EDC4: variants seen among roughly 807,000 people sequenced by gnomAD.
The protein encoded by EDC4 is enhancer of mRNA decapping 4.
In EDC4, 64 loss-of-function variants were observed where a neutral mutation model predicts 155.8. That is an observed-to-expected ratio of 0.41 (90% confidence interval 0.34 to 0.51). The LOEUF is 0.51. Among genes scored for constraint, EDC4 ranks in the 20% least tolerant of loss-of-function variants. EDC4 has a pLI of 0.19. For synonymous variants in EDC4, 684 were observed against 716.8 expected (o/e 0.95, Z 0.73); for missense variants, 1,303 against 1,812.5 (o/e 0.72, Z 5.10).
At position 67,882,883 on chromosome 16, in the gene EDC4, T is replaced by C; in HGVS notation, c.3629+18T>C. ...GTGGGCAGGTGTGTGGGCAGAGTAC[T>C]GGGCAAGGTGGTGGGCTTGAGAAAG... On this transcript the variant is annotated intron_variant, in intron 26 of 28. Coordinates refer to ENST00000358933, the MANE Select transcript of EDC4 (RefSeq NM_014329.5). The surrounding 1 kb of genome is among the most constrained non-coding windows in gnomAD (Gnocchi z 7.2). The C allele has an allele frequency of 1.2e-6, 2 of 1,614,102 alleles. No individual in the cohort carries two copies. Among genetic ancestry groups the C allele is most frequent in the South Asian group, 1.1e-5 (1 of 91,088 alleles).
At chr16:67,875,734 C>A in intron 1 of EDC4, 1 of 1,373,074 alleles carries the variant, frequency 7.3e-7, no homozygotes, top group Non-Finnish European at 9.4e-7. Context: ...TACCCCTCCC[C>A]CAGGTAGAAG....
chr16:67,878,081 T>A lies in EDC4; in HGVS notation c.895-85T>A, dbSNP rs1567389710. On this transcript the variant is annotated intron_variant, in intron 7 of 28. Coordinates refer to ENST00000358933, the MANE Select transcript of EDC4 (RefSeq NM_014329.5). This position sits in a 1 kb window ranked among gnomAD's most constrained non-coding sequence, Gnocchi z 5.2. ...TCACACAAGCATGCCAGTCCCACCGTGAGTCAGCCCAGCTCATTGCCATCC... is the reference window on the plus strand; with the variant it reads ...TCACACAAGCATGCCAGTCCCACCGAGAGTCAGCCCAGCTCATTGCCATCC... The A allele has an allele frequency of 6.3e-7, 1 of 1,581,266 alleles. No homozygotes were observed. The highest frequency in any genetic ancestry group is 2.3e-5 in the East Asian group (1 of 43,686).
Position 67,883,187 on chromosome 16 carries a change from G to C in EDC4, c.3849+10G>C. 1 of 1,557,580 alleles carries C rather than the reference G, an allele frequency of 6.4e-7. No individual in the cohort carries two copies. Among genetic ancestry groups the C allele is most frequent in the East Asian group, 2.4e-5 (1 of 42,150 alleles). On this transcript the variant is annotated intron_variant, in intron 27 of 28. Transcript: ENST00000358933. The surrounding 1 kb of genome is among the most constrained non-coding windows in gnomAD (Gnocchi z 5.3). ...TCAGGCCTTCCAGCAGGTACGATAG[G>C]CATTAGGCCCTGCTAAGGGTCACGT...
At position 67,876,763 on chromosome 16, in the gene EDC4, T is replaced by C; in HGVS notation, c.352-110T>C. The stretch of plus-strand genomic sequence containing the variant: ...TCTGTGGGAGTCTGGCTCCAGGAGG[T>C]AACAGTGGGTAGCTGGACTTGCATC... On this transcript the variant is annotated intron_variant, in intron 3 of 28. Coordinates refer to ENST00000358933, the MANE Select transcript of EDC4 (RefSeq NM_014329.5). This position sits in a 1 kb window ranked among gnomAD's most constrained non-coding sequence, Gnocchi z 5.8. 1 of 1,563,014 alleles carries C rather than the reference T, an allele frequency of 6.4e-7. No homozygotes were observed. Among genetic ancestry groups the C allele is most frequent in the African/African-American group, 1.4e-5 (1 of 73,854 alleles).
rs1313420044 is a variant in EDC4 at position 67,883,886 on chromosome 16, C to T, written c.4014-70C>T. On this transcript the variant is annotated intron_variant, in intron 28 of 28. Coordinates refer to ENST00000358933, the MANE Select transcript of EDC4 (RefSeq NM_014329.5). The surrounding 1 kb of genome is among the most constrained non-coding windows in gnomAD (Gnocchi z 5.3). ...CACCCAGAGGGTTCCCTCTGGGCCTCGGTGCCACCAGGGGGCGCTCCCGTC... is the reference window on the plus strand; with the variant it reads ...CACCCAGAGGGTTCCCTCTGGGCCTTGGTGCCACCAGGGGGCGCTCCCGTC... 1.0e-5 allele frequency: 16 copies of T among 1,536,898 alleles called. No individual in the cohort carries two copies. The highest frequency in any genetic ancestry group is 3.8e-5 in the Admixed American group (2 of 52,418).
In EDC4 at chr16:67,881,412, T is replaced by C. The variant is rs771102392; in HGVS notation, c.2784T>C (p.Asp928=). 5 of 1,613,970 alleles carry C rather than the reference T, an allele frequency of 3.1e-6. 1 individual carries two copies. The South Asian group carries it at 4.4e-5, about 14-fold the overall frequency. Residue 928 remains aspartate, a synonymous_variant, in exon 20 of 29, where the codon GAT becomes GAC. Coordinates refer to ENST00000358933, the MANE Select transcript of EDC4 (RefSeq NM_014329.5). This position sits in a 1 kb window ranked among gnomAD's most constrained non-coding sequence, Gnocchi z 5.4. ...SPKLKRKSKK[D]DGDAAMGSRL... Reference sequence around the variant, plus strand: ...AGCTCAAGAGGAAAAGCAAGAAGGATGATGGGTAGGGAGAAATCCTAGGGA... The same window carrying C: ...AGCTCAAGAGGAAAAGCAAGAAGGACGATGGGTAGGGAGAAATCCTAGGGA...
In EDC4 at chr16:67,882,183, C is replaced by G. The variant is rs199875550; in HGVS notation, c.3161-29C>G. The G allele has an allele frequency of 4.6e-5, 74 of 1,613,412 alleles. No individual in the cohort carries two copies. Among genetic ancestry groups the G allele is most frequent in the Non-Finnish European group, 6.2e-5 (73 of 1,179,748 alleles). ...GTACCTGTCAAGCTTCTTCTCATGG[C>G]TCCACCTCACCCTCTTCCCCTCTCC... is the stretch of plus-strand genomic sequence containing the variant. On this transcript the variant is annotated intron_variant, in intron 23 of 28. Coordinates refer to ENST00000358933, the MANE Select transcript of EDC4 (RefSeq NM_014329.5). The surrounding 1 kb of genome is among the most constrained non-coding windows in gnomAD (Gnocchi z 7.2).
Position 67,879,515 on chromosome 16 carries a change from G to A in EDC4, c.1633+12G>A, listed in dbSNP as rs753982282. On this transcript the variant is annotated intron_variant, in intron 14 of 28. Coordinates refer to ENST00000358933, the MANE Select transcript of EDC4 (RefSeq NM_014329.5). This position sits in a 1 kb window ranked among gnomAD's most constrained non-coding sequence, Gnocchi z 6.0. ...CCACGAGGACTTCAGTGAGTAGGGC[G>A]TGAGAGGGAGGTAGGGTAAGTTGGA... The A allele has an allele frequency of 1.1e-5, 18 of 1,613,994 alleles. No homozygotes were observed. Among genetic ancestry groups the A allele is most frequent in the South Asian group, 5.5e-5 (5 of 91,082 alleles).
intron 1 of EDC4, among the ~76,000 whole-genome samples, chr16:67,874,845 G>T (rs190365787): frequency 6.6e-6 from 1 of 152,312 alleles, no homozygotes; most frequent in Non-Finnish European, 1.5e-5. Context: ...ACTTTGGGAG[G>T]CCGAGGTGGG....
chr16:67,876,717 G>T lies in EDC4; in HGVS notation c.351+118G>T. The T allele has an allele frequency of 6.4e-7, 1 of 1,554,710 alleles. No homozygotes were observed. The highest frequency in any genetic ancestry group is 8.7e-7 in the Non-Finnish European group (1 of 1,148,188). ...CTTGACACTTTCCCAGTTTCAGGAA[G>T]CCAGGGCTGGGTGCCAAGCCTCTGT... is the stretch of plus-strand genomic sequence containing the variant. On this transcript the variant is annotated intron_variant, in intron 3 of 28. Coordinates refer to ENST00000358933, the MANE Select transcript of EDC4 (RefSeq NM_014329.5). The surrounding 1 kb of genome is among the most constrained non-coding windows in gnomAD (Gnocchi z 5.8).
intron 1 of EDC4, among the ~76,000 whole-genome samples, chr16:67,875,357 C>T (rs2058037096): frequency 1.3e-5 from 2 of 152,206 alleles, no homozygotes; most frequent in Admixed American, 1.3e-4. Flanking sequence ...AGGAGCCCAT[C>T]TTCTCTCCAA....
chr16:67,882,979 A>G lies in EDC4; in HGVS notation c.3651A>G (p.Ala1217=). The change falls in exon 27 of 29, where the codon GCA becomes GCG. Residue 1217 remains alanine (A), a synonymous_variant. Transcript: ENST00000358933. This position sits in a 1 kb window ranked among gnomAD's most constrained non-coding sequence, Gnocchi z 7.2. ...GCAGCCTGCAGGAGTCCATTTTAGC[A>G]CAGGTACAGCGCATCGTTAAGGGTG... ...AVGSLQESIL[A]QVQRIVKGEV... 1 of 1,614,102 alleles carries G rather than the reference A, an allele frequency of 6.2e-7. No homozygotes were observed. The highest frequency in any genetic ancestry group is 8.5e-7 in the Non-Finnish European group (1 of 1,179,976).
Position 67,877,034 on chromosome 16 carries a change from A to G in EDC4, c.451+62A>G, listed in dbSNP as rs1231028316. The G allele has an allele frequency of 1.1e-5, 18 of 1,599,498 alleles. No individual in the cohort carries two copies. The highest frequency in any genetic ancestry group is 1.5e-5 in the Non-Finnish European group (18 of 1,172,226). ...TGGATGTCCCACAGAGCCAGTTCCA[A>G]CATCAGGCCACTCAGGCCTTAGGGG... On this transcript the variant is annotated intron_variant, in intron 4 of 28. Coordinates refer to ENST00000358933, the MANE Select transcript of EDC4 (RefSeq NM_014329.5). The surrounding 1 kb of genome is among the most constrained non-coding windows in gnomAD (Gnocchi z 4.9).
Position 67,883,733 on chromosome 16 carries a change from TA to T in EDC4, c.4013+4del. 1.2e-6 allele frequency: 2 copies of T among 1,613,846 alleles called. No individual in the cohort carries two copies. The highest frequency in any genetic ancestry group is 1.7e-6 in the Non-Finnish European group (2 of 1,179,960). On this transcript the variant is annotated splice_donor_region_variant and intron_variant, in intron 28 of 28. Coordinates refer to ENST00000358933, the MANE Select transcript of EDC4 (RefSeq NM_014329.5). This position sits in a 1 kb window ranked among gnomAD's most constrained non-coding sequence, Gnocchi z 5.3. ...CACTCGAACTGACCTCAAGCTCAGG[TA>T]AGTGGGGACAGCCAGGGATGGGGAG...
At position 67,882,535 on chromosome 16, in the gene EDC4, A is replaced by G. The variant is rs766805985; in HGVS notation, c.3383A>G (p.Lys1128Arg). 6.2e-7 allele frequency: 1 copy of G among 1,614,104 alleles called. No homozygotes were observed. The change falls in exon 25 of 29, where the codon AAG becomes AGG. Residue 1128 changes from lysine (K) to arginine (R), a missense_variant. Around this residue, in one of 5 missense-constraint regions of EDC4, gnomAD observed 527 missense variants for 757.0 expected, o/e 0.70. Transcript: ENST00000358933. The surrounding 1 kb of genome is among the most constrained non-coding windows in gnomAD (Gnocchi z 7.2). Reference sequence around the variant, plus strand: ...AGTGTGGTGCTGCCGGCCTTTGAGAAGAGCTGCCAGGCCATGTTCCAGCAA... The same window carrying G: ...AGTGTGGTGCTGCCGGCCTTTGAGAGGAGCTGCCAGGCCATGTTCCAGCAA... ...FQSVVLPAFE[K>R]SCQAMFQQIN... is the part of the protein sequence containing the mutation.
chr16:67,876,581 G>A lies in EDC4; in HGVS notation c.333G>A (p.Lys111=), dbSNP rs2058042422. The change falls in exon 3 of 29, where the codon AAG becomes AAA. Residue 111 remains lysine, a synonymous_variant. Coordinates refer to ENST00000358933, the MANE Select transcript of EDC4 (RefSeq NM_014329.5). The surrounding 1 kb of genome is among the most constrained non-coding windows in gnomAD (Gnocchi z 5.8). ...GCAGTGACTCTAGCATTTCAAGCAA[G>A]GCCCGGGGAAGCAACAAGGTAGGTA... The part of the protein sequence containing the change: ...VASSDSSISS[K]ARGSNKVKIQ... The A allele has an allele frequency of 6.2e-7, 1 of 1,614,014 alleles. No individual in the cohort carries two copies.
In EDC4 at chr16:67,884,019, C is replaced by T; in HGVS notation, c.4077C>T (p.Gly1359=). 1 of 1,614,090 alleles carries T rather than the reference C, an allele frequency of 6.2e-7. No homozygotes were observed. The highest frequency in any genetic ancestry group is 1.3e-5 in the African/African-American group (1 of 75,034). The change falls in exon 29 of 29, where the codon GGC becomes GGT. Residue 1359 remains glycine (G), a synonymous_variant. Coordinates refer to ENST00000358933, the MANE Select transcript of EDC4 (RefSeq NM_014329.5). This position sits in a 1 kb window ranked among gnomAD's most constrained non-coding sequence, Gnocchi z 4.1. The part of the protein sequence containing the change: ...HSDPITRDHM[G]SVMAQVRQKL... ...ACCCCATCACTCGGGACCACATGGG[C>T]TCCGTTATGGCCCAGGTGCGCCAAA...
Position 67,878,893 on chromosome 16 carries a change from G to T in EDC4, c.1287+54G>T, listed in dbSNP as rs1017033877. 16 of 1,611,004 alleles carry T rather than the reference G, an allele frequency of 9.9e-6. No homozygotes were observed. Among genetic ancestry groups the T allele is most frequent in the Middle Eastern group, 1.6e-4 (1 of 6,084 alleles). Reference sequence around the variant, plus strand: ...AGTTGGGATTATAGAGGAAGGCCGGGGGGCAGGTGGCGCATCACAGCCCTT... The same window carrying T: ...AGTTGGGATTATAGAGGAAGGCCGGTGGGCAGGTGGCGCATCACAGCCCTT... On this transcript the variant is annotated intron_variant, in intron 11 of 28. Transcript: ENST00000358933. This position sits in a 1 kb window ranked among gnomAD's most constrained non-coding sequence, Gnocchi z 5.2.
Position 67,879,611 on chromosome 16 carries a change from T to A in EDC4, c.1658T>A (p.Leu553Gln), listed in dbSNP as rs761290046. The A allele has an allele frequency of 6.2e-7, 1 of 1,614,040 alleles. No homozygotes were observed. Among genetic ancestry groups the A allele is most frequent in the African/African-American group, 1.3e-5 (1 of 74,926 alleles). Residue 553 changes from leucine (L) to glutamine (Q), a missense_variant, in exon 15 of 29, where the codon CTG becomes CAG. This residue lies in a region of EDC4 where 391 missense variants were observed against 445.4 expected (regional missense o/e 0.88). Transcript: ENST00000358933. The surrounding 1 kb of genome is among the most constrained non-coding windows in gnomAD (Gnocchi z 6.0). ...DFTFGESRPE[L>Q]GSEGLGSAAH... Reference sequence around the variant, plus strand: ...GCATTTGGAGAGTCTCGGCCCGAACTGGGCTCTGAGGGCCTGGGGTCAGCC... The same window carrying A: ...GCATTTGGAGAGTCTCGGCCCGAACAGGGCTCTGAGGGCCTGGGGTCAGCC...
Sources: allele counts gnomAD v4.1 joint callset (sites outside exome capture counted in the v4.1 genomes callset), GRCh38; gene constraint gnomAD v4.1.1; regional missense constraint gnomAD v4.1.1; non-coding constraint Gnocchi (gnomAD v3.1); transcripts MANE v1.5; gene names NCBI Gene and HGNC (gene_info 2026-07-23, HGNC 2026-07-21).